The following PCDHA3 variants were observed in gnomAD, a reference collection of about 807,000 sequenced individuals.
PCDHA3 encodes the protein protocadherin alpha 3.
A neutral mutation model predicts 62.2 loss-of-function variants in PCDHA3; 41 were observed. The ratio of observed to expected loss-of-function variants is 0.66; its 90% CI spans 0.51 to 0.86. The LOEUF (loss-of-function observed/expected upper bound fraction) is 0.86, where lower values mean the gene tolerates loss of function less well. Ranked by LOEUF, PCDHA3 falls within the 40% of genes least tolerant of loss-of-function variation. PCDHA3 has a pLI of 0.00. For missense variants in PCDHA3, 1,304 were observed against 1,241.2 expected (o/e 1.05, Z -0.76); for synonymous variants, 640 against 555.4 (o/e 1.15, Z -2.14).
Position 140,803,012 on chromosome 5 carries a change from G to A in PCDHA3, c.1815G>A (p.Ala605=), listed in dbSNP as rs138097279. Residue 605 remains alanine (A), a synonymous_variant, in exon 1 of 4, where the codon GCG becomes GCA. Coordinates refer to ENST00000522353, the MANE Select transcript of PCDHA3 (RefSeq NM_018906.3). ...TGGATGCAGACTCAGGCTACAACGCGTGGCTTTCGTATGAGCTGCAGCCTG... is the reference window on the plus strand; with the variant it reads ...TGGATGCAGACTCAGGCTACAACGCATGGCTTTCGTATGAGCTGCAGCCTG... ...RAVDADSGYN[A]WLSYELQPGT... The A allele has an allele frequency of 8.7e-6, 14 of 1,613,936 alleles. No individual in the cohort carries two copies. In the African/African-American group the frequency reaches 1.6e-4, roughly 18 times the overall value.
At chr5:140,846,129 T>C (rs1780211983) in intron 1 of PCDHA3, among the ~76,000 whole-genome samples, 1 of 149,730 alleles carries the variant, frequency 6.7e-6, no homozygotes, top group South Asian at 2.1e-4. Context: ...GATAGTTGTA[T>C]GTTTCCCATA....
At chr5:140,845,597 G>C (rs1779944998) in intron 1 of PCDHA3, among the ~76,000 whole-genome samples, 1 of 149,484 alleles carries the variant, frequency 6.7e-6, no homozygotes, top group African/African-American at 2.4e-5. Flanking sequence ...TCAGAAGTTA[G>C]TTATTAAGTA....
At chr5:140,860,333 A>T (rs147859732) in intron 1 of PCDHA3, 1 of 152,198 alleles carries the variant, frequency 6.6e-6, no homozygotes, top group African/African-American at 2.4e-5. Context: ...GTGACCCATG[A>T]TTGTGCCACT....
At chr5:140,822,050 A>AG (rs2150113241) in intron 1 of PCDHA3, 2 of 1,614,182 alleles carry the variant, frequency 1.2e-6, no homozygotes, top group South Asian at 2.2e-5. Flanking sequence ...ATCGACCGGG[A>AG]GGAGCTGTGC....
Position 140,854,236 on chromosome 5 carries a change from A to C in PCDHA3, c.2394+50645A>C, listed in dbSNP as rs2043047042. 3.1e-6 allele frequency: 2 copies of C among 638,488 alleles called. 1 individual carries two copies. The highest frequency in any genetic ancestry group is 4.0e-5 in the African/African-American group (2 of 50,146). The allele number at this position is 638,488 out of a possible 1,614,324, so 39.6% of individuals were successfully genotyped here. On this transcript the variant is annotated intron_variant, in intron 1 of 3. Transcript: ENST00000522353. ...ATTGGACATCTACATTGGGATATTT[A>C]TGTTATCACTTGGTATAAAATGTAC... is the stretch of plus-strand genomic sequence containing the variant.
At chr5:140,946,447 A>G (rs1206019841) in intron 1 of PCDHA3, among the ~76,000 whole-genome samples, 6 of 151,544 alleles carry the variant, frequency 4.0e-5, no homozygotes, top group Non-Finnish European at 7.4e-5. Context: ...AGACTAAAAC[A>G]ACTATCCAGC....
intron 1 of PCDHA3, chr5:140,876,792 A>T: frequency 6.2e-7 from 1 of 1,614,116 alleles, no homozygotes; most frequent in Non-Finnish European, 8.5e-7. Context: ...CCACGGCTAG[A>T]GTGTCCGTGG....
At chr5:140,864,459 C>CT (rs1474178285) in intron 1 of PCDHA3, 1 of 152,180 alleles carries the variant, frequency 6.6e-6, no homozygotes, top group Non-Finnish European at 1.5e-5. Context: ...CAATATCCAT[C>CT]TTTTTTGAGA....
At chr5:140,951,420 T>G (rs1212893926) in intron 1 of PCDHA3, among the ~76,000 whole-genome samples, 3 of 151,992 alleles carry the variant, frequency 2.0e-5, no homozygotes, top group African/African-American at 7.2e-5. Flanking sequence ...TGGCTCACAG[T>G]TCCACAGGCT....
At chr5:140,809,042 C>T (rs782283778) in intron 1 of PCDHA3, 2 of 1,613,852 alleles carry the variant, frequency 1.2e-6, no homozygotes, top group Non-Finnish European at 1.7e-6. Flanking sequence ...TGGTGGCGCG[C>T]GCATCCCGTT....
chr5:140,967,691 A>G (rs1586235214), intron 1 of PCDHA3: 1 of 1,614,162 alleles, frequency 6.2e-7, no homozygotes, highest in East Asian at 2.2e-5. Flanking sequence ...GCAGCTCTTC[A>G]GCATAGATGC....
chr5:140,805,877 A>G (rs1763644184), intron 1 of PCDHA3, among the ~76,000 whole-genome samples: 1 of 152,196 alleles, frequency 6.6e-6, no homozygotes, highest in Non-Finnish European at 1.5e-5. Context: ...TTTATTAGGC[A>G]ATGGAAGGAA....
At chr5:140,837,593 A>G (rs1168941201) in intron 1 of PCDHA3, among the ~76,000 whole-genome samples, 3 of 151,646 alleles carry the variant, frequency 2.0e-5, no homozygotes, top group Admixed American at 1.3e-4. Flanking sequence ...TAAATCGCCA[A>G]TATATATATT....
chr5:140,858,185 C>T, intron 1 of PCDHA3: 1 of 1,597,454 alleles, frequency 6.3e-7, no homozygotes, highest in South Asian at 1.1e-5. Flanking sequence ...GGTGCTCACG[C>T]TGCTGCTGTA....
chr5:140,853,285 A>G (rs2042696768), intron 1 of PCDHA3: 2 of 981,668 alleles, frequency 2.0e-6, no homozygotes, highest in Non-Finnish European at 2.5e-6. Flanking sequence ...TCATATGCAA[A>G]TTCTCAGAAG....
At chr5:140,955,293 T>A (rs2095165956) in intron 1 of PCDHA3, among the ~76,000 whole-genome samples, 1 of 152,182 alleles carries the variant, frequency 6.6e-6, no homozygotes, top group Non-Finnish European at 1.5e-5. Flanking sequence ...ATGGTTTGGC[T>A]GTGTCCCCAC....
At chr5:140,860,697 ATTG>A (rs1191589465) in intron 1 of PCDHA3, 2 of 152,170 alleles carry the variant, frequency 1.3e-5, no homozygotes, top group African/African-American at 4.8e-5. Context: ...GCGACAGGAT[ATTG>A]TTGTTCTCCA....
chr5:140,878,274 C>G (rs1273765492), intron 1 of PCDHA3, among the ~76,000 whole-genome samples: 3 of 152,092 alleles, frequency 2.0e-5, no homozygotes, highest in Non-Finnish European at 1.5e-5. Flanking sequence ...TTTAAAATAG[C>G]CTTCTTGATC....
chr5:141,010,384 G>T lies in PCDHA3; in HGVS notation c.*447G>T, dbSNP rs2098417140. 10 of 1,411,480 alleles carry T rather than the reference G, an allele frequency of 7.1e-6. No homozygotes were observed. In the South Asian group the frequency reaches 8.5e-5, roughly 12 times the overall value. The allele number at this position is 1,411,480 out of a possible 1,614,324, so 87.4% of individuals were successfully genotyped here. A position where few individuals can be genotyped will look rare whatever the true frequency, so the allele number is the denominator to read the frequency against. ...GCGGGTATGCGAGTGCCAGATATTGGCTGAGACGAGCCAGCTTAGACTAAT... is the reference window on the plus strand; with the variant it reads ...GCGGGTATGCGAGTGCCAGATATTGTCTGAGACGAGCCAGCTTAGACTAAT... On this transcript the variant is annotated 3_prime_UTR_variant, in exon 4 of 4. Coordinates refer to ENST00000522353, the MANE Select transcript of PCDHA3 (RefSeq NM_018906.3).
Sources: gnomAD v4.1 joint callset for allele counts (sites outside exome capture counted in the v4.1 genomes callset) on GRCh38, gnomAD v4.1.1 for gene constraint, MANE v1.5 for transcripts, NCBI Gene and HGNC (gene_info 2026-07-23, HGNC 2026-07-21) for gene names.